TMEM71: variants seen among roughly 807,000 people sequenced by gnomAD.
TMEM71 encodes the protein transmembrane protein 71.
Under a neutral mutation model 38.0 loss-of-function variants are expected in TMEM71, and 44 were observed. That is an observed-to-expected ratio of 1.16 (90% confidence interval 0.91 to 1.49). The LOEUF is 1.49. Among genes scored for constraint, TMEM71 ranks in the 40% most tolerant of loss-of-function variants. The probability of loss-of-function intolerance (pLI) is 0.00; values close to 1 mark genes in which losing one functional copy is unlikely to be tolerated. For synonymous variants in TMEM71, 133 were observed against 122.5 expected, an observed-to-expected ratio of 1.09 and a Z score of -0.56; for missense variants, 367 against 348.6, an observed-to-expected ratio of 1.05 and a Z score of -0.42.
intron 2 of TMEM71, among the ~76,000 whole-genome samples, chr8:132,757,825 C>CAA (rs56859505): frequency 1.1e-4 from 12 of 107,150 alleles, no homozygotes; most frequent in African/African-American, 2.7e-4. Flanking sequence ...GATTCTGTCT[C>CAA]AAAAAAAAAA....
chr8:132,773,930 T>C, the TMEM71 span, among the ~76,000 whole-genome samples: 1 of 152,230 alleles, frequency 6.6e-6, no homozygotes, highest in Non-Finnish European at 1.5e-5. Context: ...ATTTATTTTT[T>C]TCCTTATACA....
At chr8:132,726,996 A>G (rs1008366331) in intron 6 of TMEM71, among the ~76,000 whole-genome samples, 2 of 151,956 alleles carry the variant, frequency 1.3e-5, no homozygotes, top group Non-Finnish European at 2.9e-5. Context: ...AGCTGGGATT[A>G]CAGGCATGTG....
chr8:132,725,020 T>C (rs1475962695), intron 6 of TMEM71, among the ~76,000 whole-genome samples: 1 of 149,702 alleles, frequency 6.7e-6, no homozygotes, highest in Non-Finnish European at 1.5e-5. Flanking sequence ...GGGCCTTTTT[T>C]TCTTTTCTTT....
At chr8:132,707,435 A>G (rs1826110311), downstream of TMEM71, among the ~76,000 whole-genome samples, 1 of 152,192 alleles carries the variant, frequency 6.6e-6, no homozygotes, top group Admixed American at 6.5e-5. Context: ...CCCCAGTGCA[A>G]CAGTGTTGAG....
At chr8:132,768,035 G>A in the TMEM71 span, among the ~76,000 whole-genome samples, 1 of 152,136 alleles carries the variant, frequency 6.6e-6, no homozygotes, top group Non-Finnish European at 1.5e-5. Context: ...TAGAGAATAT[G>A]ACAATAATTA....
At chr8:132,737,902 A>G (rs1827834937) in intron 5 of TMEM71, among the ~76,000 whole-genome samples, 1 of 152,186 alleles carries the variant, frequency 6.6e-6, no homozygotes, top group South Asian at 2.1e-4. Context: ...TTGGCTTATG[A>G]ATTACTCCTG....
rs146188100 is a variant in TMEM71, at chr8:132,727,771, G to A, written c.676+27C>T. On this transcript the variant is annotated intron_variant, in intron 6 of 9. Transcript: ENST00000677595. ...TGAAAGGAAGAATTCTTTGGGTGTG[G>A]CAAATATTTAAAACACCTGAACTCA... 8.4e-5 allele frequency: 130 copies of A among 1,542,792 alleles called. No homozygotes were observed. The Middle Eastern group carries it at 1.0e-3, about 12-fold the overall frequency.
intron 5 of TMEM71, 31 bp from the exon 6 acceptor site, chr8:132,728,017 T>A (rs1289823952): frequency 2.0e-6 from 1 of 506,266 alleles, no homozygotes; most frequent in Non-Finnish European, 2.6e-6. Flanking sequence ...AGTGTGAGTG[T>A]GTGTGTGTGT....
At chr8:132,726,930 A>G (rs1438981885) in intron 6 of TMEM71, among the ~76,000 whole-genome samples, 4 of 148,364 alleles carry the variant, frequency 2.7e-5, no homozygotes, top group Admixed American at 2.0e-4. Flanking sequence ...ATCTCGACTC[A>G]CTGCAACCTC....
rs377510062 is a variant in TMEM71, at chr8:132,754,300, G to A, written c.102-2303C>T. Among the ~76,000 whole-genome samples, 13 of 152,142 alleles carry A rather than the reference G, an allele frequency of 8.5e-5. No individual in the cohort carries two copies. In the East Asian group the frequency reaches 1.7e-3, roughly 20 times the overall value. ...TCTATGGCCATACCACCCTGAACGT[G>A]CCTGATCTCATCTAAATAAACTATC... is the stretch of plus-strand genomic sequence containing the variant. On this transcript the variant is annotated intron_variant, in intron 3 of 9. Transcript: ENST00000677595.
chr8:132,771,122 G>C, the TMEM71 span, among the ~76,000 whole-genome samples: 1 of 152,188 alleles, frequency 6.6e-6, no homozygotes, highest in South Asian at 2.1e-4. Context: ...AGTATCACGA[G>C]TGGATTCCAT....
At chr8:132,728,539 T>G (rs899276596) in intron 5 of TMEM71, among the ~76,000 whole-genome samples, 2 of 152,170 alleles carry the variant, frequency 1.3e-5, no homozygotes, top group Non-Finnish European at 2.9e-5. Context: ...GCAAACCATT[T>G]CAAATGGCAT....
chr8:132,740,708 G>A (rs1259261310), intron 5 of TMEM71, among the ~76,000 whole-genome samples: 1 of 152,224 alleles, frequency 6.6e-6, no homozygotes, highest in Non-Finnish European at 1.5e-5. Context: ...AAGGACAACG[G>A]TGGAGTTGAA....
rs150610360 is a variant in TMEM71, at chr8:132,711,116, A to T, written c.873-134T>A. ...CCCATACCCACAACGGGCCTGAATTATCACAACTAGGAAGAGTGCAGCCTC... is the reference window on the plus strand; with the variant it reads ...CCCATACCCACAACGGGCCTGAATTTTCACAACTAGGAAGAGTGCAGCCTC... On this transcript the variant is annotated intron_variant, in intron 9 of 9. Transcript: ENST00000677595. 1,656 of 784,544 alleles carry T rather than the reference A, an allele frequency of 2.1e-3. 6 individuals are homozygous for T. The highest frequency in any genetic ancestry group is 2.2e-3 in the Non-Finnish European group (1,045 of 485,346). The allele number at this position is 784,544 out of a possible 1,614,324, so 48.6% of individuals were successfully genotyped here.
chr8:132,758,665 C>A, intron 2 of TMEM71, 175 bp downstream of exon 2: 1 of 542,208 alleles, frequency 1.8e-6, no homozygotes, highest in East Asian at 3.3e-5. Context: ...ACATTTCTTT[C>A]AAGGAAAAAA....
downstream of TMEM71, among the ~76,000 whole-genome samples, chr8:132,708,088 A>C (rs1826120750): frequency 6.6e-6 from 1 of 152,230 alleles, no homozygotes; most frequent in South Asian, 2.1e-4. Flanking sequence ...ATTCCCAAGG[A>C]GTGCATTCCA....
upstream of TMEM71, chr8:132,760,601 T>A (rs1829272916): frequency 6.6e-6 from 1 of 152,244 alleles, no homozygotes; most frequent in Admixed American, 6.5e-5. Context: ...CTTGGGAAAG[T>A]CAGTCTTACA....
chr8:132,741,601 G>T (rs937523764), intron 5 of TMEM71, among the ~76,000 whole-genome samples: 1 of 151,300 alleles, frequency 6.6e-6, no homozygotes, highest in Non-Finnish European at 1.5e-5. Flanking sequence ...GGCAGCCGAG[G>T]CAGAGAGACA....
intron 5 of TMEM71, among the ~76,000 whole-genome samples, chr8:132,734,185 T>TAC (rs367706220): frequency 7.9e-5 from 12 of 151,502 alleles, no homozygotes; most frequent in South Asian, 4.2e-4. Context: ...CGCATACACA[T>TAC]ACACACACAC....
Sources: gnomAD v4.1 joint callset for allele counts (sites outside exome capture counted in the v4.1 genomes callset) on GRCh38, gnomAD v4.1.1 for gene constraint, MANE v1.5 for transcripts, NCBI Gene and HGNC (gene_info 2026-07-23, HGNC 2026-07-21) for gene names.